The following AGBL4 variants were observed in gnomAD, a reference collection of about 807,000 sequenced individuals.
The protein encoded by AGBL4 is AGBL carboxypeptidase 4.
A neutral mutation model predicts 66.4 loss-of-function variants in AGBL4; 58 were observed. The observed-to-expected ratio is 0.87, with a 90% CI of 0.71 to 1.09. The LOEUF is 1.09. Ranked by LOEUF, AGBL4 falls within the 50% of genes least tolerant of loss-of-function variation. The pLI is 0.00. For missense variants in AGBL4, 579 were observed against 631.0 expected, an observed-to-expected ratio of 0.92 and a Z score of 0.88; for synonymous variants, 234 against 222.9, an observed-to-expected ratio of 1.05 and a Z score of -0.44.
intron 4 of AGBL4, among the ~76,000 whole-genome samples, chr1:49,130,307 C>G (rs1394174059): frequency 1.3e-5 from 2 of 152,100 alleles, no homozygotes; most frequent in East Asian, 1.9e-4. Context: ...TGCAGAAGCT[C>G]TTTAGTTTAA....
chr1:49,858,251 T>C (rs1646482125), intron 1 of AGBL4, among the ~76,000 whole-genome samples: 1 of 152,100 alleles, frequency 6.6e-6, no homozygotes, highest in Non-Finnish European at 1.5e-5. Flanking sequence ...AAGGCAATTC[T>C]TGTATACCAT....
intron 4 of AGBL4, among the ~76,000 whole-genome samples, chr1:49,244,224 C>T (rs1181232044): frequency 2.0e-5 from 3 of 151,738 alleles, no homozygotes; most frequent in African/African-American, 7.2e-5. Flanking sequence ...AATGTCATTT[C>T]GAAGGCCCTC....
intron 5 of AGBL4, among the ~76,000 whole-genome samples, chr1:49,044,503 A>T (rs1644027414): frequency 6.6e-6 from 1 of 152,036 alleles, no homozygotes; most frequent in Non-Finnish European, 1.5e-5. Flanking sequence ...CTCAAAAAAA[A>T]AAAGGAAGTA....
intron 4 of AGBL4, among the ~76,000 whole-genome samples, chr1:49,097,287 T>A (rs1302235649): frequency 1.3e-5 from 2 of 152,114 alleles, no homozygotes; most frequent in Non-Finnish European, 2.9e-5. Flanking sequence ...ATATAATGGA[T>A]AAAATAATTG....
intron 6 of AGBL4, among the ~76,000 whole-genome samples, chr1:48,787,816 A>C (rs760335174): frequency 6.6e-6 from 1 of 152,226 alleles, no homozygotes; most frequent in African/African-American, 2.4e-5. Context: ...ACACAGGTGC[A>C]TGGGACTCTG....
At chr1:49,567,613 G>A (rs547773791) in intron 3 of AGBL4, among the ~76,000 whole-genome samples, 1 of 152,076 alleles carries the variant, frequency 6.6e-6, no homozygotes, top group Non-Finnish European at 1.5e-5. Context: ...ACATGTGCAG[G>A]TTTGTTACAT....
chr1:49,316,302 T>A (rs1645038004), intron 3 of AGBL4, among the ~76,000 whole-genome samples: 1 of 152,046 alleles, frequency 6.6e-6, no homozygotes, highest in South Asian at 2.1e-4. Context: ...CTCATCAGTT[T>A]TAACAAATGC....
At chr1:49,849,413 T>TATTATG (rs1255728380) in intron 2 of AGBL4, among the ~76,000 whole-genome samples, 1 of 125,426 alleles carries the variant, frequency 8.0e-6, no homozygotes, top group Non-Finnish European at 1.9e-5. Flanking sequence ...TTATTATTAT[T>TATTATG]ATTATTATTA....
At chr1:49,987,955 C>CAA (rs560861727) in intron 1 of AGBL4, among the ~76,000 whole-genome samples, 1 of 140,042 alleles carries the variant, frequency 7.1e-6, no homozygotes. Flanking sequence ...CGAATTTAAC[C>CAA]AAAAAAAAAA....
At chr1:49,832,493 G>A (rs1645718058) in intron 2 of AGBL4, among the ~76,000 whole-genome samples, 1 of 151,232 alleles carries the variant, frequency 6.6e-6, no homozygotes, top group African/African-American at 2.4e-5. Context: ...ATGATTTATA[G>A]TCATTTGGGT....
At chr1:49,574,416 C>T (rs948252799) in intron 3 of AGBL4, among the ~76,000 whole-genome samples, 23 of 152,088 alleles carry the variant, frequency 1.5e-4, no homozygotes, top group Admixed American at 4.6e-4. Context: ...GCTGGAAATG[C>T]CTGATCTCCC....
At chr1:49,496,966 A>G (rs1434208589) in intron 3 of AGBL4, among the ~76,000 whole-genome samples, 1 of 151,902 alleles carries the variant, frequency 6.6e-6, no homozygotes, top group Non-Finnish European at 1.5e-5. Context: ...AATAATGGCC[A>G]TACTATCATA....
At chr1:48,904,786 A>G (rs1652424563) in intron 5 of AGBL4, among the ~76,000 whole-genome samples, 1 of 152,218 alleles carries the variant, frequency 6.6e-6, no homozygotes, top group African/African-American at 2.4e-5. Context: ...TCTAAGACCA[A>G]TTTTGATTTC....
rs4582847 is a variant in AGBL4 at position 48,693,651 on chromosome 1, C to G, written c.635-30410G>C. Among the ~76,000 whole-genome samples the G allele has an allele frequency of 1.2e-3, 177 of 152,316 alleles. 2 individuals are homozygous for G. In the South Asian group the frequency reaches 0.034, roughly 29 times the overall value. On this transcript the variant is annotated intron_variant, in intron 6 of 13. Transcript: ENST00000371839. The stretch of plus-strand genomic sequence containing the variant: ...AGGTCACTGCACCCACACTGTTCAA[C>G]TTCTTCACAAGACCGCTGGCCAAAA...
intron 1 of AGBL4, among the ~76,000 whole-genome samples, chr1:49,916,317 A>G (rs1651486067): frequency 6.6e-6 from 1 of 152,184 alleles, no homozygotes; most frequent in African/African-American, 2.4e-5. Flanking sequence ...ACCCATCACA[A>G]AGAAGCTAAA....
At chr1:49,541,291 G>A (rs945385164) in intron 3 of AGBL4, among the ~76,000 whole-genome samples, 5 of 152,164 alleles carry the variant, frequency 3.3e-5, no homozygotes, top group South Asian at 2.1e-4. Flanking sequence ...TGGGCTGGCC[G>A]AGGTCAGAGC....
intron 6 of AGBL4, among the ~76,000 whole-genome samples, chr1:48,735,376 T>C (rs572117033): frequency 6.7e-6 from 1 of 149,274 alleles, no homozygotes; most frequent in Non-Finnish European, 1.5e-5. Context: ...TGGCAAAGAA[T>C]GGATGGATGG....
At chr1:49,753,626 T>C (rs1369811933) in intron 2 of AGBL4, among the ~76,000 whole-genome samples, 1 of 152,216 alleles carries the variant, frequency 6.6e-6, no homozygotes, top group Non-Finnish European at 1.5e-5. Context: ...TTTTGCTAGG[T>C]TGGGGAATTT....
chr1:49,731,888 A>T (rs1311597182), intron 2 of AGBL4, among the ~76,000 whole-genome samples: 1 of 152,192 alleles, frequency 6.6e-6, no homozygotes, highest in African/African-American at 2.4e-5. Context: ...AAAATCAGAG[A>T]AGGATTTGAA....
Sources: allele counts gnomAD v4.1 joint callset (sites outside exome capture counted in the v4.1 genomes callset), GRCh38; gene constraint gnomAD v4.1.1; transcripts MANE v1.5; gene names NCBI Gene and HGNC (gene_info 2026-07-23, HGNC 2026-07-21).